The following COBL variants were observed in gnomAD, a reference collection of about 807,000 sequenced individuals.
COBL encodes protein cordon-bleu.
Under a neutral mutation model 98.8 loss-of-function variants are expected in COBL, and 51 were observed. The observed-to-expected ratio is 0.52, with a 90% CI of 0.41 to 0.65. COBL has a LOEUF of 0.65. Among genes scored for constraint, COBL ranks in the 30% least tolerant of loss-of-function variants. The pLI, the probability that COBL is intolerant of heterozygous loss-of-function variation, is 0.00. For missense variants in COBL, 1,617 were observed against 1,617.5 expected (o/e 1.00, Z 0.01); for synonymous variants, 634 against 651.7 (o/e 0.97, Z 0.41).
intron 7 of COBL, among the ~76,000 whole-genome samples, chr7:51,068,277 A>G (rs536524179): frequency 3.9e-5 from 6 of 152,326 alleles, no homozygotes; most frequent in Admixed American, 2.0e-4. Context: ...ACATCCCCAC[A>G]TTTTCACTTC....
intron 1 of COBL, among the ~76,000 whole-genome samples, chr7:51,270,217 A>G (rs1225395265): frequency 6.6e-6 from 1 of 152,180 alleles, no homozygotes; most frequent in Admixed American, 6.5e-5. Flanking sequence ...GAAATAGAAG[A>G]TGTTTACCCT....
chr7:51,299,657 C>T (rs1029851555), intron 1 of COBL, among the ~76,000 whole-genome samples: 2 of 152,156 alleles, frequency 1.3e-5, no homozygotes, highest in Non-Finnish European at 1.5e-5. Flanking sequence ...AGGGAGAGGC[C>T]GCTGCCAGGC....
At chr7:51,204,993 T>C (rs1584162775) in intron 2 of COBL, among the ~76,000 whole-genome samples, 1 of 152,202 alleles carries the variant, frequency 6.6e-6, no homozygotes, top group South Asian at 2.1e-4. Context: ...TTATAATACA[T>C]TGATGAAAGA....
chr7:51,045,426 G>A (rs1177417203), intron 7 of COBL, among the ~76,000 whole-genome samples: 1 of 152,030 alleles, frequency 6.6e-6, no homozygotes, highest in East Asian at 1.9e-4. Context: ...AGACACGTAC[G>A]CAAAGAATGA....
chr7:51,229,854 T>C (rs1388007642), intron 1 of COBL, among the ~76,000 whole-genome samples: 1 of 152,134 alleles, frequency 6.6e-6, no homozygotes, highest in Non-Finnish European at 1.5e-5. Context: ...TATGTGCAGA[T>C]GGATACACCG....
At chr7:51,041,173 C>T (rs1170867837) in intron 8 of COBL, among the ~76,000 whole-genome samples, 3 of 152,182 alleles carry the variant, frequency 2.0e-5, no homozygotes, top group Non-Finnish European at 4.4e-5. Context: ...CCAGTTGCTG[C>T]CTTTGAATTT....
At chr7:51,249,842 C>T (rs552033484) in intron 1 of COBL, among the ~76,000 whole-genome samples, 2 of 152,144 alleles carry the variant, frequency 1.3e-5, no homozygotes, top group Non-Finnish European at 2.9e-5. Flanking sequence ...TTTCAAACAC[C>T]TGTAATCCCA....
chr7:51,086,537 C>G (rs1033589922), intron 6 of COBL, among the ~76,000 whole-genome samples: 4 of 152,120 alleles, frequency 2.6e-5, no homozygotes, highest in South Asian at 4.2e-4. Context: ...CACTTCAACT[C>G]TGACCTTGGT....
chr7:51,157,315 G>A (rs1309081515), intron 5 of COBL, among the ~76,000 whole-genome samples: 1 of 152,216 alleles, frequency 6.6e-6, no homozygotes, highest in Non-Finnish European at 1.5e-5. Flanking sequence ...AGAGGTTGCA[G>A]TGAGTCAAGA....
intron 7 of COBL, among the ~76,000 whole-genome samples, chr7:51,066,697 G>A (rs967449818): frequency 7.2e-5 from 11 of 152,098 alleles, no homozygotes; most frequent in South Asian, 2.1e-4. Flanking sequence ...CCCCGACCCC[G>A]CTGGCAGCGA....
At chr7:51,150,527 T>G (rs1489771839) in intron 5 of COBL, among the ~76,000 whole-genome samples, 1 of 152,208 alleles carries the variant, frequency 6.6e-6, no homozygotes, top group African/African-American at 2.4e-5. Flanking sequence ...TCTCACATTT[T>G]GATTGTCCTC....
chr7:51,275,032 G>A (rs1799165404), intron 1 of COBL, among the ~76,000 whole-genome samples: 1 of 152,224 alleles, frequency 6.6e-6, no homozygotes, highest in Admixed American at 6.5e-5. Context: ...TTTGCTGCCT[G>A]AACCTCCATC....
intron 1 of COBL, among the ~76,000 whole-genome samples, chr7:51,231,419 C>CA (rs769025429): frequency 4.2e-4 from 64 of 152,194 alleles, no homozygotes; most frequent in Non-Finnish European, 8.4e-4. Context: ...CATCCTCTAC[C>CA]AAACCAAGCA....
intron 5 of COBL, among the ~76,000 whole-genome samples, chr7:51,145,312 G>A (rs547975898): frequency 6.6e-5 from 10 of 151,714 alleles, no homozygotes; most frequent in Admixed American, 3.3e-4. Context: ...CACCATGCCC[G>A]GCCTGTTTTT....
At chr7:51,249,582 T>C (rs2129134921) in intron 1 of COBL, among the ~76,000 whole-genome samples, 1 of 152,352 alleles carries the variant, frequency 6.6e-6, no homozygotes, top group East Asian at 1.9e-4. Context: ...AAGCAGAGAA[T>C]ACCCACATTT....
intron 6 of COBL, among the ~76,000 whole-genome samples, chr7:51,088,312 G>C (rs1794475911): frequency 6.7e-6 from 1 of 150,036 alleles, no homozygotes; most frequent in East Asian, 2.0e-4. Flanking sequence ...TTTTTTTCTT[G>C]AGTACTCTTG....
intron 7 of COBL, chr7:51,083,279 C>G (rs941509414): frequency 1.9e-5 from 26 of 1,394,302 alleles, no homozygotes; most frequent in Non-Finnish European, 2.3e-5. Flanking sequence ...CAAGCCGTCA[C>G]TCACTAGGCA....
At chr7:51,286,423 A>C (rs1270162676) in intron 1 of COBL, among the ~76,000 whole-genome samples, 2 of 152,088 alleles carry the variant, frequency 1.3e-5, no homozygotes, top group Non-Finnish European at 2.9e-5. Context: ...AAAAGCAAAA[A>C]AAAATCTAAT....
intron 2 of COBL, among the ~76,000 whole-genome samples, chr7:51,213,442 C>A (rs1449499862): frequency 6.6e-6 from 1 of 152,194 alleles, no homozygotes; most frequent in Admixed American, 6.5e-5. Flanking sequence ...CATCCCGAAG[C>A]CATCCCCAGC....
Sources: allele counts gnomAD v4.1 joint callset (sites outside exome capture counted in the v4.1 genomes callset), GRCh38; gene constraint gnomAD v4.1.1; transcripts MANE v1.5; gene names NCBI Gene and HGNC (gene_info 2026-07-23, HGNC 2026-07-21).